The following LRRC4C variants were observed in gnomAD, a reference collection of about 807,000 sequenced individuals.
The protein encoded by LRRC4C is leucine-rich repeat-containing protein 4C.
A neutral mutation model predicts 33.6 loss-of-function variants in LRRC4C; 5 were observed. That is an observed-to-expected ratio of 0.15 (90% CI 0.08 to 0.31). The LOEUF is 0.31. LRRC4C is among the 10% of genes least tolerant of loss of function. The probability of loss-of-function intolerance (pLI) is 1.00; values close to 1 mark genes in which losing one functional copy is unlikely to be tolerated. For synonymous variants in LRRC4C, 329 were observed against 302.0 expected (o/e 1.09, Z -0.93); for missense variants, 560 against 796.7 (o/e 0.70, Z 3.58).
intron 1 of LRRC4C, among the ~76,000 whole-genome samples, chr11:41,126,576 C>T (rs1383938682): frequency 6.6e-6 from 1 of 151,984 alleles, no homozygotes; most frequent in African/African-American, 2.4e-5. Context: ...ATAGTACTAA[C>T]TCCAAAAGAA....
chr11:40,453,375 G>A (rs988559690), intron 3 of LRRC4C, among the ~76,000 whole-genome samples: 3 of 152,094 alleles, frequency 2.0e-5, no homozygotes, highest in South Asian at 2.1e-4. Context: ...TAAATTGTCC[G>A]ATAACAACTA....
intron 2 of LRRC4C, among the ~76,000 whole-genome samples, chr11:40,887,843 T>A (rs975226699): frequency 1.3e-5 from 2 of 152,058 alleles, no homozygotes; most frequent in Non-Finnish European, 2.9e-5. Flanking sequence ...GCATTCTATA[T>A]CCTTGTGGCT....
chr11:41,235,272 A>T (rs942567769), intron 1 of LRRC4C, among the ~76,000 whole-genome samples: 2 of 152,090 alleles, frequency 1.3e-5, no homozygotes, highest in African/African-American at 4.8e-5. Context: ...CGCTAAAAAA[A>T]ATGCAACCAT....
chr11:41,117,737 A>G (rs1480970585), intron 1 of LRRC4C, among the ~76,000 whole-genome samples: 1 of 152,124 alleles, frequency 6.6e-6, no homozygotes, highest in Non-Finnish European at 1.5e-5. Flanking sequence ...CTCCAATATT[A>G]TAATTGAAAA....
chr11:41,142,908 T>G (rs907987985), intron 1 of LRRC4C, among the ~76,000 whole-genome samples: 2 of 152,198 alleles, frequency 1.3e-5, no homozygotes, highest in African/African-American at 2.4e-5. Context: ...AAAACAGTGT[T>G]CGTGTCATTC....
chr11:40,209,748 C>T (rs1445144003), intron 5 of LRRC4C, among the ~76,000 whole-genome samples: 1 of 152,048 alleles, frequency 6.6e-6, no homozygotes, highest in Non-Finnish European at 1.5e-5. Context: ...ATGAGAGATT[C>T]AACAACAAAA....
chr11:41,127,452 C>T (rs1156236615), intron 1 of LRRC4C, among the ~76,000 whole-genome samples: 9 of 151,772 alleles, frequency 5.9e-5, no homozygotes, highest in Admixed American at 1.3e-4. Flanking sequence ...ATAAAGTCTG[C>T]GTTTGATTTT....
rs940114571 is a variant in LRRC4C at position 40,464,114 on chromosome 11, A to T, written c.-269-144393T>A. On this transcript the variant is annotated intron_variant, in intron 3 of 6. Coordinates refer to ENST00000528697, the MANE Select transcript of LRRC4C (RefSeq NM_001258419.2). ...TAAATACTAGTAAACTGAATGAAGT[A>T]GCCCTCAAAAAGATAGTACACCATG... Among the ~76,000 whole-genome samples, 6 of 152,102 alleles carry T rather than the reference A, an allele frequency of 3.9e-5. No homozygotes were observed. In the South Asian group the frequency reaches 1.2e-3, roughly 31 times the overall value.
intron 4 of LRRC4C, among the ~76,000 whole-genome samples, chr11:40,258,388 G>A (rs1867396927): frequency 6.6e-6 from 1 of 152,166 alleles, no homozygotes; most frequent in Non-Finnish European, 1.5e-5. Flanking sequence ...TTTGGAGGGT[G>A]ATAATTATTT....
chr11:41,185,599 G>T (rs1409056896), intron 1 of LRRC4C, among the ~76,000 whole-genome samples: 1 of 152,120 alleles, frequency 6.6e-6, no homozygotes, highest in South Asian at 2.1e-4. Flanking sequence ...GTATTTAGTG[G>T]AGAAAAGGTT....
intron 3 of LRRC4C, among the ~76,000 whole-genome samples, chr11:40,483,788 T>TATATGTATATGTATGTATATAC (rs1953713654): frequency 6.6e-6 from 1 of 150,400 alleles, no homozygotes; most frequent in Non-Finnish European, 1.5e-5. Flanking sequence ...TATATGTATA[T>TATATGTATATGTATGTATATAC]ATATGTATAT....
chr11:40,867,141 T>C (rs1954406035), intron 2 of LRRC4C, among the ~76,000 whole-genome samples: 5 of 152,222 alleles, frequency 3.3e-5, no homozygotes, highest in Admixed American at 3.3e-4. Context: ...CCAGTTATAC[T>C]GTAAGGAAGC....
intron 1 of LRRC4C, among the ~76,000 whole-genome samples, chr11:41,149,810 T>C (rs928345479): frequency 3.9e-5 from 6 of 151,986 alleles, no homozygotes; most frequent in Admixed American, 6.6e-5. Context: ...GAGTTAAGAG[T>C]AGTTGGAAAA....
intron 2 of LRRC4C, among the ~76,000 whole-genome samples, chr11:40,752,395 T>C (rs2136999527): frequency 6.6e-6 from 1 of 151,838 alleles, no homozygotes; most frequent in Non-Finnish European, 1.5e-5. Context: ...GCTCAAAGAA[T>C]GCAACAATAT....
chr11:40,641,176 A>G (rs1180184792), intron 3 of LRRC4C, among the ~76,000 whole-genome samples: 1 of 152,184 alleles, frequency 6.6e-6, no homozygotes, highest in Non-Finnish European at 1.5e-5. Context: ...ACAAAGTTTA[A>G]GGCAGATAAA....
At chr11:40,552,359 T>C (rs1957159139) in intron 3 of LRRC4C, among the ~76,000 whole-genome samples, 2 of 152,198 alleles carry the variant, frequency 1.3e-5, no homozygotes, top group East Asian at 3.9e-4. Context: ...TCGAACCCAG[T>C]TGTTTTATAT....
At chr11:40,891,540 C>G (rs775279549) in intron 2 of LRRC4C, among the ~76,000 whole-genome samples, 3 of 151,732 alleles carry the variant, frequency 2.0e-5, no homozygotes, top group Non-Finnish European at 4.4e-5. Context: ...TATAATGAGC[C>G]CAAATAACTC....
intron 3 of LRRC4C, among the ~76,000 whole-genome samples, chr11:40,325,313 C>T (rs1946043886): frequency 6.6e-6 from 1 of 152,140 alleles, no homozygotes; most frequent in East Asian, 1.9e-4. Context: ...TGACTCACTC[C>T]AGGAAAGGAA....
intron 3 of LRRC4C, among the ~76,000 whole-genome samples, chr11:40,443,789 A>G (rs1265076938): frequency 1.3e-5 from 2 of 152,234 alleles, no homozygotes; most frequent in Admixed American, 6.5e-5. Context: ...AGTGTGTTCT[A>G]GTATAATGTT....
Sources: gnomAD v4.1 joint callset for allele counts (sites outside exome capture counted in the v4.1 genomes callset) on GRCh38, gnomAD v4.1.1 for gene constraint, MANE v1.5 for transcripts, NCBI Gene and HGNC (gene_info 2026-07-23, HGNC 2026-07-21) for gene names.